The following TMEM132E variants were observed in gnomAD, a reference collection of about 807,000 sequenced individuals.
The protein encoded by TMEM132E is transmembrane protein 132E.
A neutral mutation model predicts 78.5 loss-of-function variants in TMEM132E; 49 were observed. The observed-to-expected ratio is 0.62, with a 90% CI of 0.50 to 0.79. The LOEUF is 0.79. Among genes scored for constraint, TMEM132E ranks in the 30% least tolerant of loss-of-function variants. TMEM132E has a pLI of 0.00. For synonymous variants in TMEM132E, 715 were observed against 670.6 expected (o/e 1.07, Z -1.02); for missense variants, 1,403 against 1,470.9 (o/e 0.95, Z 0.75).
rs1433015362 is a variant in TMEM132E at position 34,637,723 on chromosome 17, C to T, written c.2716C>T (p.Leu906Phe). Residue 906 changes from leucine to phenylalanine, a missense_variant, in exon 9 of 9, where the codon CTC becomes TTC. Leu to Phe is a conservative substitution (Grantham distance 22). This residue lies in a region of TMEM132E where 888 missense variants were observed against 952.8 expected (regional missense o/e 0.93). Transcript: ENST00000631683. Reference sequence around the variant, plus strand: ...CTTCTGCCTCGCCATCCTCGTCTTCCTCATCAACTGCATCGTTTTTGTGCT... The same window carrying T: ...CTTCTGCCTCGCCATCCTCGTCTTCTTCATCAACTGCATCGTTTTTGTGCT... ...GVFCLAILVF[L>F]INCIVFVLRY... 6.2e-7 allele frequency: 1 copy of T among 1,613,490 alleles called. No individual in the cohort carries two copies. Among genetic ancestry groups the T allele is most frequent in the Non-Finnish European group, 8.5e-7 (1 of 1,179,996 alleles).
At chr17:34,625,230 T>C (rs1907080750) in intron 1 of TMEM132E, among the ~76,000 whole-genome samples, 2 of 152,130 alleles carry the variant, frequency 1.3e-5, no homozygotes, top group African/African-American at 4.8e-5. Context: ...TGAGGTGGAA[T>C]TGCCAGAAGT....
At chr17:34,594,636 G>C (rs1905993523) in intron 1 of TMEM132E, among the ~76,000 whole-genome samples, 1 of 152,206 alleles carries the variant, frequency 6.6e-6, no homozygotes, top group African/African-American at 2.4e-5. Flanking sequence ...TTTAGAGACA[G>C]GGTCTTGCTC....
intron 5 of TMEM132E, 33 bp downstream of exon 5, chr17:34,630,184 G>T: frequency 6.3e-7 from 1 of 1,599,782 alleles, no homozygotes; most frequent in Non-Finnish European, 8.6e-7. Context: ...CCCTGGGGAA[G>T]AAGCCCTAGG....
At chr17:34,590,270 G>A (rs893177102) in intron 1 of TMEM132E, among the ~76,000 whole-genome samples, 1 of 152,222 alleles carries the variant, frequency 6.6e-6, no homozygotes, top group African/African-American at 2.4e-5. Flanking sequence ...CCCCGGAGCT[G>A]GCTATGGACT....
At chr17:34,582,719 A>G (rs1286115864) in intron 1 of TMEM132E, among the ~76,000 whole-genome samples, 1 of 152,072 alleles carries the variant, frequency 6.6e-6, no homozygotes, top group African/African-American at 2.4e-5. Context: ...CTGTCTGCGC[A>G]CTGGAGCTGC....
intron 3 of TMEM132E, 81 bp from the exon 4 acceptor site, chr17:34,628,931 G>A (rs1907251188): frequency 3.4e-6 from 5 of 1,478,894 alleles, no homozygotes; most frequent in Non-Finnish European, 4.5e-6. Flanking sequence ...GAGGGGTGGG[G>A]TCCCCACTGA....
At chr17:34,635,161 A>AT in intron 7 of TMEM132E, 74 bp downstream of exon 7, 1 of 1,469,502 alleles carries the variant, frequency 6.8e-7, no homozygotes, top group Non-Finnish European at 9.1e-7. Context: ...CAGAACTCAG[A>AT]TTTTCCTAAC....
At chr17:34,589,665 G>GT (rs1244988382) in intron 1 of TMEM132E, among the ~76,000 whole-genome samples, 4 of 152,092 alleles carry the variant, frequency 2.6e-5, no homozygotes, top group Admixed American at 6.5e-5. Flanking sequence ...AAGGCCCTGG[G>GT]TTACCTGTTG....
chr17:34,635,741 C>T lies in TMEM132E; in HGVS notation c.1978-266C>T, dbSNP rs11868012. On this transcript the variant is annotated intron_variant, in intron 7 of 8. Coordinates refer to ENST00000631683, the MANE Select transcript of TMEM132E (RefSeq NM_001304438.2). ...ACATCAATTGCTACTAGTCACCATG[C>T]GGGGGTTGTTGTTTTCCTTAGAATT... The T allele has an allele frequency of 2.2e-5, 8 of 357,776 alleles. No individual in the cohort carries two copies. The South Asian group carries it at 4.2e-4, about 19-fold the overall frequency. The allele number at this position is 357,776 out of a possible 1,614,324, so 22.2% of individuals were successfully genotyped here.
chr17:34,627,467 C>CGGGTGTGTGTGTGTGTGTGTGTGT (rs1907191327), intron 2 of TMEM132E, among the ~76,000 whole-genome samples: 1 of 126,470 alleles, frequency 7.9e-6, no homozygotes, highest in African/African-American at 3.0e-5. Flanking sequence ...CCAAAAGAAT[C>CGGGTGTGTGTGTGTGTGTGTGTGT]GTGTGTGTGT....
At chr17:34,605,567 G>T (rs918777796) in intron 1 of TMEM132E, among the ~76,000 whole-genome samples, 1 of 152,182 alleles carries the variant, frequency 6.6e-6, no homozygotes, top group Non-Finnish European at 1.5e-5. Flanking sequence ...GCCTACAGGC[G>T]GAGGAAGGGC....
rs375186825 is a variant in TMEM132E at position 34,601,331 on chromosome 17, C to T, written c.67+20188C>T. 4.6e-5 allele frequency among the ~76,000 whole-genome samples: 7 copies of T among 152,328 alleles called. 1 individual carries two copies. In the East Asian group the frequency reaches 9.7e-4, roughly 21 times the overall value. On this transcript the variant is annotated intron_variant, in intron 1 of 8. Transcript: ENST00000631683. ...CCTTTCCCAGTGAATCCCTCCCTCTCCCTGGGGCAGCCATTGAACTCAGAG... is the reference window on the plus strand; with the variant it reads ...CCTTTCCCAGTGAATCCCTCCCTCTTCCTGGGGCAGCCATTGAACTCAGAG...
At position 34,638,462 on chromosome 17, in the gene TMEM132E, G is replaced by A. The variant is rs902339333; in HGVS notation, c.*230G>A. ...GCAGGTGGAGGGCTCTTCCTCCAGTGGCTCGTAAGGAGGAAAGCAACCCCA... is the reference window on the plus strand; with the variant it reads ...GCAGGTGGAGGGCTCTTCCTCCAGTAGCTCGTAAGGAGGAAAGCAACCCCA... On this transcript the variant is annotated 3_prime_UTR_variant, in exon 9 of 9. Coordinates refer to ENST00000631683, the MANE Select transcript of TMEM132E (RefSeq NM_001304438.2). 16 of 477,692 alleles carry A rather than the reference G, an allele frequency of 3.3e-5. No individual in the cohort carries two copies. The highest frequency in any genetic ancestry group is 5.8e-5 in the Non-Finnish European group (16 of 276,612). The allele number at this position is 477,692 out of a possible 1,614,324, so 29.6% of individuals were successfully genotyped here. A position where few individuals can be genotyped will look rare whatever the true frequency, so the allele number is the denominator to read the frequency against.
At chr17:34,597,265 G>A (rs1287848867) in intron 1 of TMEM132E, among the ~76,000 whole-genome samples, 1 of 152,092 alleles carries the variant, frequency 6.6e-6, no homozygotes, top group Non-Finnish European at 1.5e-5. Flanking sequence ...AGTAGAGGCT[G>A]TGCCTGCCCC....
At chr17:34,606,254 G>A (rs1906410421) in intron 1 of TMEM132E, among the ~76,000 whole-genome samples, 1 of 152,216 alleles carries the variant, frequency 6.6e-6, no homozygotes, top group Admixed American at 6.5e-5. Context: ...GGCTGAGGCA[G>A]GAGAATCGCT....
intron 2 of TMEM132E, among the ~76,000 whole-genome samples, chr17:34,627,363 C>A (rs1179238809): frequency 2.0e-5 from 3 of 152,196 alleles, no homozygotes; most frequent in African/African-American, 7.2e-5. Context: ...AATAATAGAA[C>A]TGGGACTAGA....
chr17:34,628,809 G>A (rs1461421202), intron 3 of TMEM132E, 100 bp downstream of exon 3: 5 of 1,438,886 alleles, frequency 3.5e-6, no homozygotes, highest in Non-Finnish European at 4.6e-6. Context: ...GGGAGGGCTG[G>A]GGCTCGGTCA....
At chr17:34,632,122 C>T (rs543368897) in intron 5 of TMEM132E, among the ~76,000 whole-genome samples, 18 of 152,338 alleles carry the variant, frequency 1.2e-4, no homozygotes, top group African/African-American at 3.1e-4. Flanking sequence ...GAGTTTTCCT[C>T]TCCCATTCCC....
intron 1 of TMEM132E, among the ~76,000 whole-genome samples, chr17:34,594,773 GT>G (rs2142055006): frequency 6.6e-6 from 1 of 152,248 alleles, no homozygotes; most frequent in African/African-American, 2.4e-5. Flanking sequence ...GTTTCTTGAG[GT>G]TTTATTTTTA....
Sources: allele counts gnomAD v4.1 joint callset (sites outside exome capture counted in the v4.1 genomes callset), GRCh38; gene constraint gnomAD v4.1.1; regional missense constraint gnomAD v4.1.1; transcripts MANE v1.5; gene names NCBI Gene and HGNC (gene_info 2026-07-23, HGNC 2026-07-21).